The following FRMPD4 variants were observed in gnomAD, a reference collection of about 807,000 sequenced individuals.
The protein encoded by FRMPD4 is FERM and PDZ domain-containing protein 4.
A neutral mutation model predicts 94.1 loss-of-function variants in FRMPD4; 22 were observed. The ratio of observed to expected loss-of-function variants is 0.23; its 90% confidence interval spans 0.17 to 0.33. The LOEUF (loss-of-function observed/expected upper bound fraction) is 0.33, where lower values mean the gene tolerates loss of function less well. Ranked by LOEUF, FRMPD4 falls within the 10% of genes least tolerant of loss-of-function variation. The pLI, the probability that FRMPD4 is intolerant of heterozygous loss-of-function variation, is 1.00. For synonymous variants in FRMPD4, 631 were observed against 548.6 expected (o/e 1.15, Z -2.10); for missense variants, 1,111 against 1,339.9 (o/e 0.83, Z 2.67).
At chrX:12,339,502 A>T (rs10127059) in intron 1 of FRMPD4, among the ~76,000 whole-genome samples, 5,682 of 112,277 alleles carry the variant, frequency 0.051, 368 homozygotes, top group African/African-American at 0.18. Context: ...CAGTTCATTA[A>T]TTTCAGGCAT....
intron 1 of FRMPD4, among the ~76,000 whole-genome samples, chrX:12,478,353 C>T (rs892562902): frequency 9.0e-6 from 1 of 111,484 alleles, no homozygotes; most frequent in African/African-American, 3.3e-5. Context: ...GCAGGCAGAT[C>T]GCATGAGGCC....
intron 1 of FRMPD4, among the ~76,000 whole-genome samples, chrX:12,229,305 T>A (rs184215668): frequency 4.2e-4 from 47 of 112,145 alleles, no homozygotes; most frequent in African/African-American, 1.5e-3. Flanking sequence ...CTGGATCCAC[T>A]GTGGGAATTC....
intron 3 of FRMPD4, among the ~76,000 whole-genome samples, chrX:11,917,120 C>A (rs1008669345): frequency 8.9e-6 from 1 of 111,913 alleles, no homozygotes; most frequent in East Asian, 2.8e-4. Flanking sequence ...ATAAAAGTGG[C>A]CAATGAACAT....
intron 1 of FRMPD4, among the ~76,000 whole-genome samples, chrX:12,264,720 T>C: frequency 8.9e-6 from 1 of 112,446 alleles, no homozygotes; most frequent in Middle Eastern, 4.6e-3. Context: ...TTCTTGAAGA[T>C]TGCCTACAGC....
intron 3 of FRMPD4, among the ~76,000 whole-genome samples, chrX:12,021,043 A>G (rs1174319788): frequency 3.6e-5 from 4 of 111,897 alleles, no homozygotes; most frequent in African/African-American, 1.3e-4. Context: ...CTGCCTTCTC[A>G]TAGCTGACTA....
At chrX:12,659,098 A>T (rs1427675855) in intron 4 of FRMPD4, among the ~76,000 whole-genome samples, 1 of 111,308 alleles carries the variant, frequency 9.0e-6, no homozygotes, top group Non-Finnish European at 1.9e-5. Context: ...TCTAACTCAA[A>T]CTTCCCTGGC....
At chrX:11,992,987 G>GTTTT (rs58882086) in intron 3 of FRMPD4, among the ~76,000 whole-genome samples, 64 of 89,297 alleles carry the variant, frequency 7.2e-4, no homozygotes, top group Admixed American at 1.9e-3. Context: ...CTGGTCCTTT[G>GTTTT]TTTTTTTTTT....
At chrX:12,566,848 A>G (rs2058717106) in intron 2 of FRMPD4, among the ~76,000 whole-genome samples, 1 of 110,954 alleles carries the variant, frequency 9.0e-6, no homozygotes, top group African/African-American at 3.3e-5. Context: ...AAAAAATATT[A>G]TTTCCCCAAG....
At position 12,524,944 on chromosome X, in the gene FRMPD4, T is replaced by C. The variant is rs145075961; in HGVS notation, c.158+26148T>C. Among the ~76,000 whole-genome samples the C allele has an allele frequency of 6.9e-3, 767 of 111,379 alleles. 3 individuals are homozygous for C. The highest frequency in any genetic ancestry group is 0.011 in the Non-Finnish European group (590 of 53,044). On this transcript the variant is annotated intron_variant, in intron 2 of 16. Transcript: ENST00000675598. ...AACTTTCTTCAAACATTGTGGGAAATGTTTTGCGATTCTTTTTTTGTTTTG... is the reference window on the plus strand; with the variant it reads ...AACTTTCTTCAAACATTGTGGGAAACGTTTTGCGATTCTTTTTTTGTTTTG...
At chrX:12,445,965 G>T (rs891400651) in intron 1 of FRMPD4, among the ~76,000 whole-genome samples, 3 of 112,465 alleles carry the variant, frequency 2.7e-5, no homozygotes, top group Admixed American at 9.4e-5. Context: ...AACATCTATT[G>T]TTTACAAAAT....
intron 9 of FRMPD4, among the ~76,000 whole-genome samples, chrX:12,696,241 G>A (rs1056967104): frequency 1.8e-4 from 20 of 111,471 alleles, no homozygotes; most frequent in African/African-American, 6.5e-4. Context: ...TAATTTCAAC[G>A]TGGTAAAACT....
At chrX:12,711,818 GGGAA>G (rs1463161825) in intron 14 of FRMPD4, among the ~76,000 whole-genome samples, 6 of 90,323 alleles carry the variant, frequency 6.6e-5, no homozygotes, top group Non-Finnish European at 1.3e-4. Flanking sequence ...GAGAAAAAAA[GGGAA>G]GGAAGTTCTG....
At chrX:11,899,468 A>G (rs1208504581) in intron 3 of FRMPD4, among the ~76,000 whole-genome samples, 4 of 98,866 alleles carry the variant, frequency 4.0e-5, no homozygotes, top group Non-Finnish European at 8.2e-5. Context: ...TTTTATTGTT[A>G]CCCCAGTGAC....
chrX:12,536,930 C>T (rs2058345488), intron 2 of FRMPD4, among the ~76,000 whole-genome samples: 1 of 111,532 alleles, frequency 9.0e-6, no homozygotes, highest in Admixed American at 9.5e-5. Context: ...GGATTCTATG[C>T]ATTGATTTTG....
intron 1 of FRMPD4, among the ~76,000 whole-genome samples, chrX:12,496,710 AT>A (rs1012654407): frequency 1.8e-5 from 2 of 110,050 alleles, no homozygotes; most frequent in African/African-American, 3.3e-5. Flanking sequence ...AGATCCATGT[AT>A]TTTTTTTGTC....
intron 1 of FRMPD4, among the ~76,000 whole-genome samples, chrX:12,235,097 T>C (rs923940513): frequency 1.8e-5 from 2 of 112,052 alleles, no homozygotes; most frequent in African/African-American, 6.5e-5. Flanking sequence ...AATGTGTTCG[T>C]ATTGCCATCC....
chrX:12,056,374 C>T (rs991223596), intron 3 of FRMPD4, among the ~76,000 whole-genome samples: 5 of 111,857 alleles, frequency 4.5e-5, no homozygotes, highest in Non-Finnish European at 3.8e-5. Context: ...CTCTCTGAAA[C>T]GGGGGTCTTA....
At chrX:11,918,232 A>G (rs763856899) in intron 3 of FRMPD4, among the ~76,000 whole-genome samples, 2 of 113,171 alleles carry the variant, frequency 1.8e-5, no homozygotes, top group South Asian at 3.6e-4. Context: ...GTGCAAATTG[A>G]GTTATTAATT....
intron 3 of FRMPD4, among the ~76,000 whole-genome samples, chrX:11,942,004 C>G: frequency 8.9e-6 from 1 of 111,733 alleles, no homozygotes; most frequent in Non-Finnish European, 1.9e-5. Context: ...AATGTTAAAG[C>G]TTTAAAGATA....
Sources: allele counts gnomAD v4.1 joint callset (sites outside exome capture counted in the v4.1 genomes callset), GRCh38; gene constraint gnomAD v4.1.1; transcripts MANE v1.5; gene names NCBI Gene and HGNC (gene_info 2026-07-23, HGNC 2026-07-21).